Variants in SLCO1C1 observed in about 807,000 individuals in gnomAD.
SLCO1C1 encodes OAT-RP-5.
Under a neutral mutation model 76.4 loss-of-function variants are expected in SLCO1C1, and 70 were observed. The observed-to-expected ratio is 0.92, with a 90% confidence interval of 0.76 to 1.12. The LOEUF is 1.12. Among genes scored for constraint, SLCO1C1 ranks in the 50% most tolerant of loss-of-function variants. The probability of loss-of-function intolerance (pLI) is 0.00; values close to 1 mark genes in which losing one functional copy is unlikely to be tolerated. For missense variants in SLCO1C1, 912 were observed against 823.8 expected, an observed-to-expected ratio of 1.11 and a Z score of -1.31; for synonymous variants, 306 against 286.1, an observed-to-expected ratio of 1.07 and a Z score of -0.70.
chr12:20,714,863 G>GA (rs1355713494), intron 5 of SLCO1C1, among the ~76,000 whole-genome samples: 2 of 152,134 alleles, frequency 1.3e-5, no homozygotes, highest in Non-Finnish European at 2.9e-5. Flanking sequence ...CTCAAGGTAG[G>GA]AATGAAATGA....
At chr12:20,745,980 A>G (rs923725238) in intron 13 of SLCO1C1, among the ~76,000 whole-genome samples, 3 of 152,198 alleles carry the variant, frequency 2.0e-5, no homozygotes, top group African/African-American at 7.2e-5. Flanking sequence ...AGAAATGAAC[A>G]CCACGACACT....
intron 9 of SLCO1C1, among the ~76,000 whole-genome samples, chr12:20,731,081 G>A (rs1001941270): frequency 6.6e-6 from 1 of 152,140 alleles, no homozygotes; most frequent in Non-Finnish European, 1.5e-5. Flanking sequence ...GTTGATTTTA[G>A]GACCACATGA....
chr12:20,732,286 G>A (rs934520018), intron 9 of SLCO1C1, among the ~76,000 whole-genome samples: 2 of 152,206 alleles, frequency 1.3e-5, no homozygotes, highest in African/African-American at 4.8e-5. Flanking sequence ...CACTTACTAA[G>A]TGTGGCTATG....
intron 7 of SLCO1C1, among the ~76,000 whole-genome samples, chr12:20,718,882 G>A (rs1947513165): frequency 6.6e-6 from 1 of 151,908 alleles, no homozygotes. Flanking sequence ...GCTCCAAAAT[G>A]CACTCTCTTT....
intron 13 of SLCO1C1, among the ~76,000 whole-genome samples, chr12:20,750,025 G>T (rs1188645335): frequency 2.0e-5 from 3 of 152,196 alleles, no homozygotes; most frequent in African/African-American, 7.2e-5. Context: ...AGTCTGAAAT[G>T]TAAGACAACA....
intron 10 of SLCO1C1, among the ~76,000 whole-genome samples, chr12:20,736,173 A>G (rs747198487): frequency 9.2e-5 from 14 of 152,118 alleles, no homozygotes; most frequent in Non-Finnish European, 1.9e-4. Context: ...ATAAAAGCAG[A>G]AGGATTAGGC....
chr12:20,706,365 A>T (rs915749608), intron 4 of SLCO1C1, among the ~76,000 whole-genome samples: 1 of 152,132 alleles, frequency 6.6e-6, no homozygotes, highest in Non-Finnish European at 1.5e-5. Context: ...TAGGGGCAAA[A>T]TATATAATTG....
intron 14 of SLCO1C1, 188 bp downstream of exon 14, chr12:20,750,980 TATTC>T: frequency 8.7e-6 from 10 of 1,146,548 alleles, no homozygotes; most frequent in Non-Finnish European, 9.9e-6. Context: ...ATTTTGTCCC[TATTC>T]ATTACCTTGA....
chr12:20,733,190 T>C (rs1948377331), intron 10 of SLCO1C1, 86 bp downstream of exon 10: 1 of 1,255,932 alleles, frequency 8.0e-7, no homozygotes, highest in African/African-American at 1.5e-5. Context: ...GGAATTTGAT[T>C]TTTAAACATC....
rs199854959 is a variant in SLCO1C1, at chr12:20,715,239, C to T, written c.630C>T (p.Ala210=). 5 of 1,613,994 alleles carry T rather than the reference C, an allele frequency of 3.1e-6. No individual in the cohort carries two copies. The South Asian group carries it at 4.4e-5, about 14-fold the overall frequency. ...CTCCCATTCAGCCTTTGGGCATTGC[C>T]TACCTGGATGATTTTGCCAGTGAAG... is the stretch of plus-strand genomic sequence containing the variant. ...GETPIQPLGI[A]YLDDFASEDN... The change falls in exon 6 of 15, where the codon GCC becomes GCT. Residue 210 remains alanine, a synonymous_variant. Coordinates refer to ENST00000266509, the MANE Select transcript of SLCO1C1 (RefSeq NM_017435.5).
intron 9 of SLCO1C1, among the ~76,000 whole-genome samples, chr12:20,724,104 C>A (rs1396865802): frequency 1.3e-5 from 2 of 151,822 alleles, no homozygotes; most frequent in Admixed American, 6.6e-5. Flanking sequence ...CTCCAAAATT[C>A]TTGATGTTAA....
At chr12:20,737,520 T>C (rs886907268) in intron 11 of SLCO1C1, among the ~76,000 whole-genome samples, 1 of 152,198 alleles carries the variant, frequency 6.6e-6, no homozygotes, top group Non-Finnish European at 1.5e-5. Flanking sequence ...AGTCTATTTC[T>C]CTCATTTTGC....
intron 2 of SLCO1C1, chr12:20,700,096 T>C (rs1946450880): frequency 6.5e-6 from 1 of 154,132 alleles, no homozygotes; most frequent in Admixed American, 6.5e-5. Context: ...TGCTTTTTTT[T>C]TTTTTTAGGA....
intron 11 of SLCO1C1, among the ~76,000 whole-genome samples, chr12:20,739,600 T>C (rs1565540011): frequency 6.6e-6 from 1 of 152,114 alleles, no homozygotes. Context: ...GCAAGGGTCA[T>C]GTGTGTGGCT....
intron 13 of SLCO1C1, 152 bp from the exon 14 acceptor site, chr12:20,750,523 T>G: frequency 1.5e-6 from 1 of 674,348 alleles, no homozygotes; most frequent in Non-Finnish European, 2.6e-6. Context: ...AAGACTGGAT[T>G]AGAGAGATAG....
At chr12:20,731,409 AAAG>A (rs1948256654) in intron 9 of SLCO1C1, among the ~76,000 whole-genome samples, 1 of 152,264 alleles carries the variant, frequency 6.6e-6, no homozygotes, top group African/African-American at 2.4e-5. Context: ...AAAGGGAAAG[AAAG>A]AAGAAAATTT....
At chr12:20,706,134 C>G (rs969922227) in intron 4 of SLCO1C1, 53 bp downstream of exon 4, 16 of 1,538,164 alleles carry the variant, frequency 1.0e-5, no homozygotes, top group African/African-American at 1.4e-5. Flanking sequence ...CTGCATTTCT[C>G]CCTTTTATGA....
chr12:20,723,503 T>C (rs1947785693), intron 9 of SLCO1C1, among the ~76,000 whole-genome samples: 1 of 152,154 alleles, frequency 6.6e-6, no homozygotes, highest in African/African-American at 2.4e-5. Flanking sequence ...TTGTTAATAA[T>C]ACTGGATATT....
chr12:20,743,136 G>A (rs1234722797), intron 12 of SLCO1C1, among the ~76,000 whole-genome samples, 169 bp from the exon 13 acceptor site: 1 of 152,154 alleles, frequency 6.6e-6, no homozygotes, highest in African/African-American at 2.4e-5. Flanking sequence ...GAAATGGAAT[G>A]TGGCTTTTAC....
Sources: allele counts gnomAD v4.1 joint callset (sites outside exome capture counted in the v4.1 genomes callset), GRCh38; gene constraint gnomAD v4.1.1; transcripts MANE v1.5; gene names NCBI Gene and HGNC (gene_info 2026-07-23, HGNC 2026-07-21).